WFDC11: variants seen among roughly 807,000 people sequenced by gnomAD.
The protein encoded by WFDC11 is protein WFDC11.
Under a neutral mutation model 9.9 loss-of-function variants are expected in WFDC11, and 9 were observed. The ratio of observed to expected loss-of-function variants is 0.91; its 90% CI spans 0.55 to 1.58. The LOEUF is 1.58. WFDC11 is among the 40% of genes most tolerant of loss of function. The probability of loss-of-function intolerance (pLI) is 0.00; values close to 1 mark genes in which losing one functional copy is unlikely to be tolerated. For synonymous variants in WFDC11, 32 were observed against 33.3 expected, an observed-to-expected ratio of 0.96 and a Z score of 0.13; for missense variants, 106 against 101.7, an observed-to-expected ratio of 1.04 and a Z score of -0.18.
At chr20:45,650,674 AG>A (rs1199326378) in intron 2 of WFDC11, 23 bp from the exon 3 acceptor site, 11 of 1,205,884 alleles carry the variant, frequency 9.1e-6, no homozygotes, top group Non-Finnish European at 1.2e-5. Context: ...ACATATAAAT[AG>A]GGAAAGAGAG....
intron 2 of WFDC11, among the ~76,000 whole-genome samples, 183 bp downstream of exon 2, chr20:45,666,905 A>AT (rs1160975882): frequency 6.6e-6 from 1 of 152,208 alleles, no homozygotes; most frequent in African/African-American, 2.4e-5. Flanking sequence ...ATGTCTATCC[A>AT]TGTTATCTTT....
chr20:45,656,113 C>G (rs901431863), intron 2 of WFDC11, among the ~76,000 whole-genome samples: 1 of 151,704 alleles, frequency 6.6e-6, no homozygotes, highest in Non-Finnish European at 1.5e-5. Flanking sequence ...CAAAAAAGAG[C>G]CCACATCGCC....
At chr20:45,658,485 T>G (rs1982984043) in intron 2 of WFDC11, among the ~76,000 whole-genome samples, 1 of 152,142 alleles carries the variant, frequency 6.6e-6, no homozygotes, top group Non-Finnish European at 1.5e-5. Context: ...CTAGTGTATG[T>G]GTGTAAAGGT....
chr20:45,663,622 C>T (rs1046501550), intron 2 of WFDC11, among the ~76,000 whole-genome samples: 6 of 152,092 alleles, frequency 3.9e-5, no homozygotes, highest in Non-Finnish European at 7.4e-5. Flanking sequence ...TTCTGGTACG[C>T]TGTGTCTTTG....
intron 2 of WFDC11, among the ~76,000 whole-genome samples, chr20:45,653,167 G>A (rs933528620): frequency 2.0e-5 from 3 of 152,078 alleles, no homozygotes; most frequent in African/African-American, 7.2e-5. Flanking sequence ...AATGTTAAGG[G>A]CAGCAAGAGA....
chr20:45,650,677 G>A (rs1982787870), intron 2 of WFDC11, 26 bp from the exon 3 acceptor site: 3 of 1,213,198 alleles, frequency 2.5e-6, no homozygotes, highest in Non-Finnish European at 3.6e-6. Flanking sequence ...TATAAATAGG[G>A]AAAGAGAGGT....
chr20:45,659,145 C>T (rs1982999300), intron 2 of WFDC11, among the ~76,000 whole-genome samples: 1 of 152,224 alleles, frequency 6.6e-6, no homozygotes, highest in South Asian at 2.1e-4. Context: ...CAAGTCTTTG[C>T]TATTGTAAAT....
chr20:45,662,552 G>C (rs949853917), intron 2 of WFDC11, among the ~76,000 whole-genome samples: 3 of 152,092 alleles, frequency 2.0e-5, no homozygotes, highest in East Asian at 3.9e-4. Context: ...ATTGGCTGTG[G>C]GTTTGTCATA....
chr20:45,665,420 A>G (rs1983167268), intron 2 of WFDC11, among the ~76,000 whole-genome samples: 1 of 152,260 alleles, frequency 6.6e-6, no homozygotes. Flanking sequence ...ACTTCTGTCA[A>G]CTCATCAAAG....
chr20:45,661,820 G>A (rs1176235165), intron 2 of WFDC11, among the ~76,000 whole-genome samples: 1 of 152,074 alleles, frequency 6.6e-6, no homozygotes, highest in Admixed American at 6.6e-5. Flanking sequence ...GGTTACTGTA[G>A]CCTTGTAGTA....
chr20:45,663,004 C>T (rs1983104694), intron 2 of WFDC11, among the ~76,000 whole-genome samples: 2 of 152,144 alleles, frequency 1.3e-5, no homozygotes, highest in African/African-American at 4.8e-5. Context: ...GGTACCAGCT[C>T]CTCTTTGTAC....
At chr20:45,667,472 A>T (rs76484614) in intron 1 of WFDC11, among the ~76,000 whole-genome samples, 1 of 103,352 alleles carries the variant, frequency 9.7e-6, no homozygotes, top group East Asian at 4.3e-4. Flanking sequence ...CTACATATCT[A>T]TTTTTTTTCT....
At position 45,649,494 on chromosome 20, in the gene WFDC11, T is replaced by C; in HGVS notation, c.101-95A>G. 3.4e-6 allele frequency: 5 copies of C among 1,480,696 alleles called. No individual in the cohort carries two copies. In the South Asian group the frequency reaches 6.5e-5, roughly 19 times the overall value. 91.7% of individuals were successfully genotyped at this position (1,480,696 alleles called of 1,614,324 possible). A position where few individuals can be genotyped will look rare whatever the true frequency, so the allele number is the denominator to read the frequency against. ...ATACGTTTAACAGTTCCTCCTGGAA[T>C]CTGGGCCCCAAATTCCAACCAAGAT... is the stretch of plus-strand genomic sequence containing the variant. On this transcript the variant is annotated intron_variant, in intron 3 of 4. Coordinates refer to ENST00000324384, the MANE Select transcript of WFDC11 (RefSeq NM_147197.2).
chr20:45,667,666 A>G (rs570553457), intron 1 of WFDC11, among the ~76,000 whole-genome samples: 2 of 152,262 alleles, frequency 1.3e-5, no homozygotes, highest in African/African-American at 4.8e-5. Flanking sequence ...ATAGACTTAA[A>G]CTATACTCAA....
At chr20:45,655,736 T>C (rs1294962977) in intron 2 of WFDC11, among the ~76,000 whole-genome samples, 3 of 152,144 alleles carry the variant, frequency 2.0e-5, no homozygotes, top group Non-Finnish European at 4.4e-5. Flanking sequence ...TCAGCAAAGT[T>C]TCAGAATACA....
chr20:45,668,427 C>T (rs1983230284), intron 1 of WFDC11, among the ~76,000 whole-genome samples: 1 of 152,018 alleles, frequency 6.6e-6, no homozygotes. Flanking sequence ...ATACTCTTGG[C>T]CTTGTCCTAT....
chr20:45,662,094 T>G (rs556405453), intron 2 of WFDC11, among the ~76,000 whole-genome samples: 1 of 152,128 alleles, frequency 6.6e-6, no homozygotes, highest in Non-Finnish European at 1.5e-5. Flanking sequence ...TTTATTTCAT[T>G]GAGCAGTGAT....
intron 2 of WFDC11, among the ~76,000 whole-genome samples, chr20:45,657,035 A>G (rs549667256): frequency 7.9e-5 from 12 of 152,300 alleles, no homozygotes; most frequent in African/African-American, 2.4e-4. Context: ...AGATTCCTCA[A>G]GGATCTAGAA....
chr20:45,648,691 G>A lies in WFDC11; in HGVS notation c.*28C>T, dbSNP rs763012154. The A allele has an allele frequency of 9.9e-6, 16 of 1,613,892 alleles. No homozygotes were observed. Among genetic ancestry groups the A allele is most frequent in the Non-Finnish European group, 1.4e-5 (16 of 1,179,878 alleles). On this transcript the variant is annotated 3_prime_UTR_variant, in exon 5 of 5. Coordinates refer to ENST00000324384, the MANE Select transcript of WFDC11 (RefSeq NM_147197.2). ...TCTTAAACATTTCCCAGCCCACACA[G>A]GTGGCAGCCTGGTGGGAAGCTACGG...
Sources: allele counts gnomAD v4.1 joint callset (sites outside exome capture counted in the v4.1 genomes callset), GRCh38; gene constraint gnomAD v4.1.1; transcripts MANE v1.5; gene names NCBI Gene and HGNC (gene_info 2026-07-23, HGNC 2026-07-21).